PDCD11: variants seen among roughly 807,000 people sequenced by gnomAD.
The protein encoded by PDCD11 is protein RRP5 homolog.
PDCD11 carries 97 observed loss-of-function variants against 198.9 expected under a neutral mutation model. That is an observed-to-expected ratio of 0.49 (90% CI 0.41 to 0.58). The LOEUF (loss-of-function observed/expected upper bound fraction) is 0.58. Ranked by LOEUF, PDCD11 falls within the 20% of genes least tolerant of loss-of-function variation. The pLI is 0.00. For missense variants in PDCD11, 2,102 were observed against 2,312.7 expected (o/e 0.91, Z 1.87); for synonymous variants, 893 against 918.0 (o/e 0.97, Z 0.49).
chr10:103,441,404 T>C (rs1315612368), intron 30 of PDCD11, among the ~76,000 whole-genome samples: 2 of 152,146 alleles, frequency 1.3e-5, no homozygotes, highest in East Asian at 1.9e-4. Context: ...ACTGCCGGTA[T>C]GCACCACCAT....
At chr10:103,416,183 C>T (rs1171116024) in intron 12 of PDCD11, among the ~76,000 whole-genome samples, 2 of 152,000 alleles carry the variant, frequency 1.3e-5, no homozygotes, top group African/African-American at 4.8e-5. Flanking sequence ...AGGAAGGAGC[C>T]AAGATGGTGT....
chr10:103,430,494 C>T (rs978036407), intron 21 of PDCD11, among the ~76,000 whole-genome samples: 1 of 152,196 alleles, frequency 6.6e-6, no homozygotes, highest in East Asian at 1.9e-4. Flanking sequence ...AGTGGGATCA[C>T]TGGATCGTAT....
Position 103,445,479 on chromosome 10 carries a change from A to G in PDCD11, c.5546A>G (p.Lys1849Arg), listed in dbSNP as rs1264202467. Residue 1849 changes from lysine (K) to arginine (R), a missense_variant, in exon 36 of 36, where the codon AAG becomes AGG. Transcript: ENST00000369797. Reference sequence around the variant, plus strand: ...TACGAGAAGCAGCATGGCACTGAGAAGGATGTGCAGGCAGTCAAGGCCAAG... The same window carrying G: ...TACGAGAAGCAGCATGGCACTGAGAGGGATGTGCAGGCAGTCAAGGCCAAG... ...LDYEKQHGTE[K>R]DVQAVKAKAL... is the part of the protein sequence containing the mutation. The G allele has an allele frequency of 3.7e-6, 6 of 1,614,038 alleles. No homozygotes were observed. Among genetic ancestry groups the G allele is most frequent in the Non-Finnish European group, 4.2e-6 (5 of 1,180,030 alleles).
chr10:103,399,787 A>C (rs1455377799), intron 2 of PDCD11: 1 of 152,206 alleles, frequency 6.6e-6, no homozygotes, highest in Non-Finnish European at 1.5e-5. Context: ...TTCTTGGTTC[A>C]AGCAATTCTC....
chr10:103,444,502 G>T lies in PDCD11; in HGVS notation c.5279-15G>T. ...TGTCTGCTTGTTGGGTCTCTGAGCA[G>T]TCCTCTCCCTGCAGATGTGGATGTC... On this transcript the variant is annotated splice_polypyrimidine_tract_variant and intron_variant, in intron 34 of 35. Coordinates refer to ENST00000369797, the MANE Select transcript of PDCD11 (RefSeq NM_014976.2). 1 of 1,613,612 alleles carries T rather than the reference G, an allele frequency of 6.2e-7. No homozygotes were observed. Among genetic ancestry groups the T allele is most frequent in the Non-Finnish European group, 8.5e-7 (1 of 1,179,622 alleles).
chr10:103,415,771 T>C (rs937939801), intron 12 of PDCD11, among the ~76,000 whole-genome samples: 2 of 152,162 alleles, frequency 1.3e-5, no homozygotes, highest in African/African-American at 2.4e-5. Flanking sequence ...AGAGCAAAGG[T>C]TGTGTTCTAG....
chr10:103,399,028 C>CA (rs919769891), intron 2 of PDCD11, among the ~76,000 whole-genome samples: 1 of 151,376 alleles, frequency 6.6e-6, no homozygotes, highest in African/African-American at 2.4e-5. Context: ...AACACACAAA[C>CA]AAAATAAATA....
intron 2 of PDCD11, chr10:103,399,635 G>A (rs757749844): frequency 1.3e-5 from 2 of 152,226 alleles, no homozygotes; most frequent in African/African-American, 2.4e-5. Flanking sequence ...ACATTTGAGT[G>A]TGTGGCTTTA....
In PDCD11 at chr10:103,442,190, G is replaced by A. The variant is rs774467286; in HGVS notation, c.4708-23G>A. ...AGGCCTTGAGGAGCAGATGACTCAC[G>A]GTGTTTCTGCTTTCCATAGCAGATA... On this transcript the variant is annotated intron_variant, in intron 31 of 35. Coordinates refer to ENST00000369797, the MANE Select transcript of PDCD11 (RefSeq NM_014976.2). 17 of 1,612,142 alleles carry A rather than the reference G, an allele frequency of 1.1e-5. 1 individual carries two copies. Among genetic ancestry groups the A allele is most frequent in the Admixed American group, 8.3e-5 (5 of 59,922 alleles).
chr10:103,437,383 GTTC>G (rs1258355717), intron 25 of PDCD11, among the ~76,000 whole-genome samples: 5 of 152,302 alleles, frequency 3.3e-5, no homozygotes, highest in Admixed American at 3.3e-4. Flanking sequence ...GCTTCTAGCA[GTTC>G]TCCTGCCTCG....
At chr10:103,409,168 G>A (rs556577764) in intron 7 of PDCD11, among the ~76,000 whole-genome samples, 32 of 152,280 alleles carry the variant, frequency 2.1e-4, no homozygotes, top group Admixed American at 7.8e-4. Flanking sequence ...TATTTTCCGG[G>A]AAGGTAAGAG....
In PDCD11 at chr10:103,417,912, A is replaced by G; in HGVS notation, c.1891A>G (p.Lys631Glu). The G allele has an allele frequency of 6.2e-7, 1 of 1,614,174 alleles. No homozygotes were observed. Residue 631 changes from lysine (K) to glutamate (E), a missense_variant, in exon 14 of 36, where the codon AAA (lysine) becomes GAA (glutamate). Physicochemically the swap from Lys to Glu is moderately conservative, Grantham distance 56. Coordinates refer to ENST00000369797, the MANE Select transcript of PDCD11 (RefSeq NM_014976.2). The stretch of plus-strand genomic sequence containing the variant: ...TGCAGGACACAGTCAGAAGAAAGGA[A>G]AAGCCATTAACATTGGGCAGGTACG... ...EPAGHSQKKG[K>E]AINIGQLVDV...
At chr10:103,414,499 T>A (rs1031986124) in intron 11 of PDCD11, among the ~76,000 whole-genome samples, 169 bp downstream of exon 11, 3 of 152,194 alleles carry the variant, frequency 2.0e-5, no homozygotes, top group Non-Finnish European at 4.4e-5. Context: ...TAACTCATAG[T>A]TAATTTCAAG....
At chr10:103,406,847 TA>T in intron 7 of PDCD11, 57 bp downstream of exon 7, 1 of 1,366,964 alleles carries the variant, frequency 7.3e-7, no homozygotes, top group Non-Finnish European at 1.0e-6. Context: ...TTCAAAATAT[TA>T]AATGCATAAA....
chr10:103,411,254 A>G (rs1040686398), intron 8 of PDCD11, among the ~76,000 whole-genome samples: 5 of 152,146 alleles, frequency 3.3e-5, no homozygotes, highest in Non-Finnish European at 5.9e-5. Context: ...TACAATGAAC[A>G]TGGATATTTG....
At position 103,423,004 on chromosome 10, in the gene PDCD11, G is replaced by T. The variant is rs200374616; in HGVS notation, c.2514G>T (p.Gln838His). The T allele has an allele frequency of 2.5e-5, 40 of 1,570,480 alleles. No individual in the cohort carries two copies. The highest frequency in any genetic ancestry group is 3.1e-5 in the Non-Finnish European group (36 of 1,159,108). ...CTCTGGCAGACTCTGTGTTGATCCAGACGCTGGCCGAGATGACCCCAGGAA... is the reference window on the plus strand; with the variant it reads ...CTCTGGCAGACTCTGTGTTGATCCATACGCTGGCCGAGATGACCCCAGGAA... ...LMSNRDSVLIQTLAEMTPGMF... is the reference protein window; with the variant it reads ...LMSNRDSVLIHTLAEMTPGMF... The change falls in exon 18 of 36, where the codon CAG becomes CAT. Residue 838 changes from glutamine (Q) to histidine (H), a missense_variant. Gln to His is a conservative substitution (Grantham distance 24, BLOSUM62 0). Coordinates refer to ENST00000369797, the MANE Select transcript of PDCD11 (RefSeq NM_014976.2).
chr10:103,414,825 G>C (rs577352842), intron 11 of PDCD11, among the ~76,000 whole-genome samples, 180 bp from the exon 12 acceptor site: 11 of 152,202 alleles, frequency 7.2e-5, no homozygotes, highest in Non-Finnish European at 1.3e-4. Context: ...CATAAATAAA[G>C]CTGACAGAAT....
rs2031300707 is a variant in PDCD11 at position 103,419,486 on chromosome 10, A to G, written c.2107-52A>G. 11 of 1,568,468 alleles carry G rather than the reference A, an allele frequency of 7.0e-6. No individual in the cohort carries two copies. In the South Asian group the frequency reaches 1.2e-4, roughly 17 times the overall value. On this transcript the variant is annotated intron_variant, in intron 15 of 35. Coordinates refer to ENST00000369797, the MANE Select transcript of PDCD11 (RefSeq NM_014976.2). ...TCTGTGGAGAAAGGAGATGGGAGAG[A>G]TGGACATTTCATCTGCCCTTTCTGG...
chr10:103,439,758 C>T lies in PDCD11; in HGVS notation c.4038C>T (p.Ser1346=), dbSNP rs757655819. 6.8e-6 allele frequency: 11 copies of T among 1,614,034 alleles called. No individual in the cohort carries two copies. Among genetic ancestry groups the T allele is most frequent in the East Asian group, 4.5e-5 (2 of 44,892 alleles). Residue 1346 remains serine, a synonymous_variant, in exon 28 of 36, where the codon TCC becomes TCT. Coordinates refer to ENST00000369797, the MANE Select transcript of PDCD11 (RefSeq NM_014976.2). ...PHGVFFRLGP[S]VVGLARYSHV... ...TCTCTCCTTTCAGCCTTGGCCCCTC[C>T]GTTGTGGGTTTGGCTCGGTACTCCC...
Sources: allele counts gnomAD v4.1 joint callset (sites outside exome capture counted in the v4.1 genomes callset), GRCh38; gene constraint gnomAD v4.1.1; transcripts MANE v1.5; gene names NCBI Gene and HGNC (gene_info 2026-07-23, HGNC 2026-07-21).